TTC6: variants seen among roughly 807,000 people sequenced by gnomAD.
The protein encoded by TTC6 is tetratricopeptide repeat domain 6.
In TTC6, 172 loss-of-function variants were observed where a neutral mutation model predicts 210.4. The ratio of observed to expected loss-of-function variants is 0.82; its 90% CI spans 0.72 to 0.93. The LOEUF (loss-of-function observed/expected upper bound fraction) is 0.93, where lower values mean the gene tolerates loss of function less well. Among genes scored for constraint, TTC6 ranks in the 40% least tolerant of loss-of-function variants. TTC6 has a pLI of 0.00. For synonymous variants in TTC6, 804 were observed against 819.6 expected (o/e 0.98, Z 0.32); for missense variants, 2,414 against 2,318.1 (o/e 1.04, Z -0.85).
exon 11 of TTC6, chr14:37,749,348 G>A: frequency 4.7e-6 from 7 of 1,482,950 alleles, no homozygotes; most frequent in Non-Finnish European, 5.3e-6. Context: ...TAGGCGTGGA[G>A]CTATTTATAG....
intron 3 of TTC6, among the ~76,000 whole-genome samples, chr14:37,693,433 G>A (rs1327128451): frequency 6.6e-6 from 1 of 151,984 alleles, no homozygotes; most frequent in African/African-American, 2.4e-5. Flanking sequence ...GTTAAAATGT[G>A]TATACTATCC....
At chr14:37,620,555 T>C (rs2139290656), upstream of TTC6, among the ~76,000 whole-genome samples, 1 of 152,306 alleles carries the variant, frequency 6.6e-6, no homozygotes, top group African/African-American at 2.4e-5. Context: ...TGCCATCGGT[T>C]CCCTATTTAT....
intron 3 of TTC6, among the ~76,000 whole-genome samples, chr14:37,695,105 G>T (rs1318788218): frequency 6.8e-6 from 1 of 147,688 alleles, no homozygotes; most frequent in Non-Finnish European, 1.5e-5. Context: ...AGGAACTGGA[G>T]ATCATTATGT....
At chr14:37,736,086 C>T (rs1228412502) in intron 8 of TTC6, 76 bp downstream of exon 10, 1 of 815,094 alleles carries the variant, frequency 1.2e-6, no homozygotes, top group African/African-American at 1.8e-5. Context: ...TATGGTAATT[C>T]CAGAAATTAT....
At chr14:37,656,424 G>C (rs1214396089) in intron 1 of TTC6, among the ~76,000 whole-genome samples, 1 of 152,164 alleles carries the variant, frequency 6.6e-6, no homozygotes, top group Non-Finnish European at 1.5e-5. Flanking sequence ...TCTGGTGAGA[G>C]AGACAGGCTT....
intron 30 of TTC6, 148 bp from the exon 33 acceptor site, chr14:37,842,007 A>T (rs1375521277): frequency 1.5e-6 from 1 of 677,174 alleles, no homozygotes; most frequent in Admixed American, 3.7e-5. Flanking sequence ...TTTGAAGAAA[A>T]GTGTTTTCAA....
At chr14:37,677,443 T>G (rs1595093182) in intron 1 of TTC6, among the ~76,000 whole-genome samples, 1 of 152,140 alleles carries the variant, frequency 6.6e-6, no homozygotes, top group Non-Finnish European at 1.5e-5. Context: ...AGGTTTTTTT[T>G]GTATTCTTTC....
At chr14:37,662,689 G>T (rs1317032758) in intron 1 of TTC6, among the ~76,000 whole-genome samples, 1 of 152,124 alleles carries the variant, frequency 6.6e-6, no homozygotes, top group East Asian at 1.9e-4. Flanking sequence ...GCTTCTTGTT[G>T]TTAGCTTTGT....
At chr14:37,774,924 T>G (rs562338245) in intron 14 of TTC6, among the ~76,000 whole-genome samples, 13 of 152,200 alleles carry the variant, frequency 8.5e-5, no homozygotes, top group Non-Finnish European at 1.8e-4. Flanking sequence ...AACTTGTTAT[T>G]GGACTATTCA....
At chr14:37,652,413 G>A (rs1003064275) in intron 1 of TTC6, among the ~76,000 whole-genome samples, 1 of 152,076 alleles carries the variant, frequency 6.6e-6, no homozygotes, top group African/African-American at 2.4e-5. Context: ...TTTATATGAG[G>A]AGAGGAATGA....
intron 1 of TTC6, among the ~76,000 whole-genome samples, chr14:37,631,324 C>T (rs1411846892): frequency 7.2e-5 from 11 of 152,108 alleles, no homozygotes; most frequent in Admixed American, 7.2e-4. Context: ...AAAAATCTCT[C>T]AGCATTTGCT....
intron 1 of TTC6, among the ~76,000 whole-genome samples, chr14:37,630,526 C>G (rs177836): frequency 6.6e-6 from 1 of 151,866 alleles, no homozygotes. Flanking sequence ...AGAATAAGTG[C>G]GATGTGATGC....
At chr14:37,701,562 A>G in intron 5 of TTC6, 36 bp downstream of exon 7, 1 of 1,401,924 alleles carries the variant, frequency 7.1e-7, no homozygotes, top group Middle Eastern at 1.9e-4. Context: ...TTTAAGCTAA[A>G]TGTAAACTGT....
In TTC6 at chr14:37,598,962, C is replaced by T. The variant is rs879700742; in HGVS notation, c.-235+2954C>T. ...CCCCACCCAGATAAGAAGCTTAAGTCCTCCTTCTGCAGGGGAGAATCGGAT... is the reference window on the plus strand; with the variant it reads ...CCCCACCCAGATAAGAAGCTTAAGTTCTCCTTCTGCAGGGGAGAATCGGAT... On this transcript the variant is annotated intron_variant, in intron 1 of 2. Transcript: ENST00000556845. The surrounding 1 kb of genome is among the most constrained non-coding windows in gnomAD (Gnocchi z 4.9). Among the ~76,000 whole-genome samples the T allele has an allele frequency of 1.5e-5, 2 of 137,110 alleles. No individual in the cohort carries two copies. Among genetic ancestry groups the T allele is most frequent in the Non-Finnish European group, 3.1e-5 (2 of 64,058 alleles). 89.9% of individuals were successfully genotyped at this position (137,110 alleles called of 152,430 possible).
chr14:37,790,919 CT>C (rs1234617807), intron 16 of TTC6, 82 bp downstream of exon 18: 6 of 1,210,332 alleles, frequency 5.0e-6, no homozygotes, highest in East Asian at 2.6e-5. Flanking sequence ...TTTCTTTCCC[CT>C]CATCATTGAT....
intron 14 of TTC6, among the ~76,000 whole-genome samples, chr14:37,773,525 A>G (rs1434398372): frequency 6.6e-6 from 1 of 152,248 alleles, no homozygotes; most frequent in South Asian, 2.1e-4. Context: ...TCCTTTTCCC[A>G]TTGCTTGTTT....
chr14:37,623,730 C>G (rs950269506), intron 1 of TTC6, among the ~76,000 whole-genome samples: 3 of 152,206 alleles, frequency 2.0e-5, no homozygotes, highest in African/African-American at 7.2e-5. Context: ...CCACCCCAGG[C>G]AGTCTCATCC....
chr14:37,686,727 A>T (rs1297471310), intron 3 of TTC6, among the ~76,000 whole-genome samples: 1 of 152,092 alleles, frequency 6.6e-6, no homozygotes, highest in African/African-American at 2.4e-5. Flanking sequence ...CCCTTATGAA[A>T]CCATCAGATG....
At chr14:37,832,957 C>G (rs1286519411) in intron 29 of TTC6, among the ~76,000 whole-genome samples, 1 of 150,592 alleles carries the variant, frequency 6.6e-6, no homozygotes, top group Non-Finnish European at 1.5e-5. Flanking sequence ...ACTCAGGAGG[C>G]TGAGGCAGGA....
Sources: gnomAD v4.1 joint callset for allele counts (sites outside exome capture counted in the v4.1 genomes callset) on GRCh38, gnomAD v4.1.1 for gene constraint, Gnocchi (gnomAD v3.1) non-coding constraint, MANE v1.5 for transcripts, NCBI Gene and HGNC (gene_info 2026-07-23, HGNC 2026-07-21) for gene names.